The following ASIP variants were observed in gnomAD, a reference collection of about 807,000 sequenced individuals.
ASIP encodes agouti signaling protein.
Under a neutral mutation model 10.3 loss-of-function variants are expected in ASIP, and 11 were observed. The ratio of observed to expected loss-of-function variants is 1.07; its 90% CI spans 0.68 to 1.78. ASIP has a LOEUF of 1.78. Ranked by LOEUF, ASIP falls within the 40% of genes most tolerant of loss-of-function variation. ASIP has a pLI of 0.00. For synonymous variants in ASIP, 70 were observed against 70.8 expected (o/e 0.99, Z 0.06); for missense variants, 180 against 169.2 (o/e 1.06, Z -0.35).
At chr20:34,217,051 A>C (rs927720525) in intron 1 of ASIP, among the ~76,000 whole-genome samples, 19 of 152,152 alleles carry the variant, frequency 1.2e-4, no homozygotes, top group Admixed American at 3.9e-4. Context: ...TAAGTGTCTG[A>C]GGAAGTCAAA....
At chr20:34,213,987 C>T in intron 1 of ASIP, 3 of 1,576,692 alleles carry the variant, frequency 1.9e-6, no homozygotes, top group Non-Finnish European at 2.6e-6. Context: ...TTTTAAACTT[C>T]TCCATTAGTG....
chr20:34,254,071 T>G lies in ASIP; in HGVS notation c.-10-6294T>G, dbSNP rs960247413. On this transcript the variant is annotated intron_variant, in intron 1 of 3. Coordinates refer to ENST00000374954, the MANE Select transcript of ASIP (RefSeq NM_001672.3). ...TGTTTTTTTGTTTTGTTTTGTTTCG[T>G]TTTTTTTTTGAGACAGAGTCTTACT... Among the ~76,000 whole-genome samples, 17 of 144,650 alleles carry G rather than the reference T, an allele frequency of 1.2e-4. 1 individual carries two copies. The highest frequency in any genetic ancestry group is 2.4e-4 in the African/African-American group (9 of 36,972). The allele number at this position is 144,650 out of a possible 152,430, so 94.9% of individuals were successfully genotyped here. A position where few individuals can be genotyped will look rare whatever the true frequency, so the allele number is the denominator to read the frequency against.
intron 1 of ASIP, among the ~76,000 whole-genome samples, chr20:34,225,636 G>A (rs1411642662): frequency 2.0e-5 from 3 of 152,126 alleles, no homozygotes; most frequent in East Asian, 1.9e-4. Flanking sequence ...GTCTTGTTTC[G>A]TAATAATAAT....
At chr20:34,237,895 C>T (rs1322510226), upstream of ASIP, among the ~76,000 whole-genome samples, 6 of 152,072 alleles carry the variant, frequency 3.9e-5, no homozygotes, top group African/African-American at 1.4e-4. Flanking sequence ...GCTTTTCCTG[C>T]ATCAATTGAG....
At position 34,209,209 on chromosome 20, in the gene ASIP, G is replaced by T. The variant is rs905892580; in HGVS notation, c.-11+14449G>T. ...TCCAGCTGCACATTGCACAGAGCTG[G>T]TGGGAGCCGGCAACAAGTGGGAGCC... is the stretch of plus-strand genomic sequence containing the variant. On this transcript the variant is annotated intron_variant, in intron 1 of 3. Transcript: ENST00000568305. Among the ~76,000 whole-genome samples, 10 of 152,226 alleles carry T rather than the reference G, an allele frequency of 6.6e-5. 1 individual carries two copies. In the East Asian group the frequency reaches 1.7e-3, roughly 26 times the overall value.
At chr20:34,262,504 G>T (rs2122666812) in intron 2 of ASIP, among the ~76,000 whole-genome samples, 1 of 152,278 alleles carries the variant, frequency 6.6e-6, no homozygotes, top group East Asian at 1.9e-4. Flanking sequence ...ATGAAGGAAG[G>T]GGCACCTGGG....
At chr20:34,252,263 C>G (rs1891803872) in intron 1 of ASIP, among the ~76,000 whole-genome samples, 1 of 152,140 alleles carries the variant, frequency 6.6e-6, no homozygotes, top group African/African-American at 2.4e-5. Context: ...CGCACTGGTG[C>G]CAGTCTCTGA....
rs568198405 is a variant in ASIP at position 34,267,954 on chromosome 20, T to C, written c.223-1037T>C. Among the ~76,000 whole-genome samples, 135 of 152,360 alleles carry C rather than the reference T, an allele frequency of 8.9e-4. 1 individual carries two copies. The Middle Eastern group carries it at 0.027, about 31-fold the overall frequency. ...AAAAAGTTATTGAAATAATTTATTT[T>C]TGTTGTGCTAAATCTTTGAAATCTG... On this transcript the variant is annotated intron_variant, in intron 3 of 3. Coordinates refer to ENST00000374954, the MANE Select transcript of ASIP (RefSeq NM_001672.3).
chr20:34,214,162 TC>T, intron 1 of ASIP: 1 of 1,205,652 alleles, frequency 8.3e-7, no homozygotes, highest in Non-Finnish European at 1.2e-6. Flanking sequence ...TGTATTCTAT[TC>T]AAAATATCCT....
chr20:34,204,214 T>C (rs181480264), intron 1 of ASIP, among the ~76,000 whole-genome samples: 4 of 152,072 alleles, frequency 2.6e-5, no homozygotes, highest in Admixed American at 2.6e-4. Flanking sequence ...CAGATAGTTA[T>C]TTTTTTAATT....
the ASIP span, among the ~76,000 whole-genome samples, chr20:34,188,827 C>T: frequency 2.0e-5 from 3 of 152,070 alleles, no homozygotes; most frequent in South Asian, 2.1e-4. Context: ...TTCCCCCACC[C>T]GGAGCCCAAA....
At chr20:34,240,738 T>A (rs574014856), upstream of ASIP, among the ~76,000 whole-genome samples, 1 of 152,316 alleles carries the variant, frequency 6.6e-6, no homozygotes, top group Admixed American at 6.5e-5. Flanking sequence ...GACTGTTTTA[T>A]TCCGTCTCTT....
chr20:34,186,591 T>C, the ASIP span, among the ~76,000 whole-genome samples: 3 of 152,146 alleles, frequency 2.0e-5, no homozygotes, highest in African/African-American at 7.2e-5. Flanking sequence ...GCTTTGGGAA[T>C]CTGACAATTT....
At chr20:34,203,786 C>T (rs1229281371) in intron 1 of ASIP, among the ~76,000 whole-genome samples, 42 of 148,180 alleles carry the variant, frequency 2.8e-4, no homozygotes, top group Admixed American at 6.7e-4. Context: ...TGCAATGGCA[C>T]GATCCTGCCT....
upstream of ASIP, among the ~76,000 whole-genome samples, chr20:34,236,448 G>A (rs1385897864): frequency 6.6e-6 from 1 of 152,136 alleles, no homozygotes; most frequent in East Asian, 1.9e-4. Flanking sequence ...GGAGGTTGAG[G>A]CAGAAGAATC....
At chr20:34,249,129 G>GA (rs574423782) in intron 1 of ASIP, among the ~76,000 whole-genome samples, 26 of 146,864 alleles carry the variant, frequency 1.8e-4, no homozygotes, top group African/African-American at 3.7e-4. Context: ...ACCCTGTCTC[G>GA]AAAAAAAAAA....
At position 34,269,187 on chromosome 20, in the gene ASIP, C is replaced by CG; in HGVS notation, c.*21dup. The CG allele has an allele frequency of 6.7e-7, 1 of 1,484,186 alleles. No homozygotes were observed. Among genetic ancestry groups the CG allele is most frequent in the African/African-American group, 1.5e-5 (1 of 68,752 alleles). 91.9% of individuals were successfully genotyped at this position (1,484,186 alleles called of 1,614,324 possible). A position where few individuals can be genotyped will look rare whatever the true frequency, so the allele number is the denominator to read the frequency against. Reference sequence around the variant, plus strand: ...TGCTGAGCGCCCCCACTCCCGGCCGCGAGCAGGCAGGGCTTCGGGGACGCG... The same window carrying CG: ...TGCTGAGCGCCCCCACTCCCGGCCGCGGAGCAGGCAGGGCTTCGGGGACGCG... On this transcript the variant is annotated 3_prime_UTR_variant, in exon 4 of 4. Transcript: ENST00000374954.
At chr20:34,235,637 G>T (rs1282873777) in intron 1 of ASIP, among the ~76,000 whole-genome samples, 1 of 151,674 alleles carries the variant, frequency 6.6e-6, no homozygotes, top group Non-Finnish European at 1.5e-5. Flanking sequence ...AGAAAAGTCT[G>T]GCTGGGCATG....
intron 1 of ASIP, among the ~76,000 whole-genome samples, chr20:34,259,889 T>C (rs1244434710): frequency 6.6e-6 from 1 of 152,128 alleles, no homozygotes; most frequent in Non-Finnish European, 1.5e-5. Context: ...AGCCAACATA[T>C]ATGCTTGTCT....
Sources: allele counts gnomAD v4.1 joint callset (sites outside exome capture counted in the v4.1 genomes callset), GRCh38; gene constraint gnomAD v4.1.1; transcripts MANE v1.5; gene names NCBI Gene and HGNC (gene_info 2026-07-23, HGNC 2026-07-21).